FKBP11: variants seen among roughly 807,000 people sequenced by gnomAD.
FKBP11 encodes the protein FKBP prolyl isomerase 11.
A neutral mutation model predicts 24.7 loss-of-function variants in FKBP11; 21 were observed. The ratio of observed to expected loss-of-function variants is 0.85; its 90% CI spans 0.60 to 1.23. FKBP11 has a LOEUF of 1.23. FKBP11 is among the 50% of genes most tolerant of loss of function. The pLI is 0.00. For synonymous variants in FKBP11, 106 were observed against 100.6 expected (o/e 1.05, Z -0.32); for missense variants, 245 against 248.7 (o/e 0.99, Z 0.10).
At chr12:48,932,257 ATATATTTTTTTTTTTTT>A in the FKBP11 span, among the ~76,000 whole-genome samples, 13 of 37,514 alleles carry the variant, frequency 3.5e-4, no homozygotes, top group Non-Finnish European at 5.2e-4. Flanking sequence ...ATATATATAT[ATATATTTTTTTTTTTTT>A]TTTTTTTTTT....
chr12:48,937,043 A>G, the FKBP11 span: 1 of 152,216 alleles, frequency 6.6e-6, no homozygotes, highest in South Asian at 2.1e-4. Context: ...ATACACACAC[A>G]CTCACACACA....
chr12:48,933,970 C>A, the FKBP11 span, among the ~76,000 whole-genome samples: 2 of 152,146 alleles, frequency 1.3e-5, no homozygotes, highest in Non-Finnish European at 2.9e-5. Flanking sequence ...CACTACCCAA[C>A]GTGGTATACT....
rs1939877730 is a variant in FKBP11, at chr12:48,923,291, A to G, written c.388+491T>C. The G allele has an allele frequency of 2.1e-6, 3 of 1,408,096 alleles. No individual in the cohort carries two copies. The South Asian group carries it at 4.8e-5, about 22-fold the overall frequency. The allele number at this position is 1,408,096 out of a possible 1,614,324, so 87.2% of individuals were successfully genotyped here. A position where few individuals can be genotyped will look rare whatever the true frequency, so the allele number is the denominator to read the frequency against. On this transcript the variant is annotated intron_variant, in intron 5 of 5. Coordinates refer to ENST00000550765, the MANE Select transcript of FKBP11 (RefSeq NM_016594.3). ...CAACCCTTCAAAAATAGACATCGGC[A>G]GTGACCAATGATGGCTTTTAAAGTT...
upstream of FKBP11, chr12:48,925,773 G>A (rs1010285373): frequency 1.4e-5 from 4 of 294,240 alleles, no homozygotes; most frequent in African/African-American, 8.5e-5. Context: ...ACCCTGAAAG[G>A]TCGGCATGAT....
At chr12:48,927,495 G>A (rs146364595), upstream of FKBP11, among the ~76,000 whole-genome samples, 2 of 152,232 alleles carry the variant, frequency 1.3e-5, no homozygotes, top group Admixed American at 6.5e-5. Flanking sequence ...CACTGTTTGC[G>A]AATTACGTAT....
At chr12:48,926,795 C>T (rs1565701758), upstream of FKBP11, among the ~76,000 whole-genome samples, 1 of 151,654 alleles carries the variant, frequency 6.6e-6, no homozygotes, top group Non-Finnish European at 1.5e-5. Flanking sequence ...GCCCAGCCCA[C>T]TTTTTAAAAG....
upstream of FKBP11, among the ~76,000 whole-genome samples, chr12:48,927,068 G>A (rs986647530): frequency 2.0e-5 from 3 of 151,746 alleles, no homozygotes; most frequent in African/African-American, 2.4e-5. Flanking sequence ...TCAGCATCCC[G>A]AAGTGCTGGG....
the FKBP11 span, among the ~76,000 whole-genome samples, chr12:48,932,164 T>TAAA: frequency 1.1e-5 from 1 of 94,626 alleles, no homozygotes; most frequent in Non-Finnish European, 2.2e-5. Flanking sequence ...TAAATAAAAG[T>TAAA]AAAAATATAT....
Position 48,924,667 on chromosome 12 carries a change from A to G in FKBP11, c.196-19T>C. On this transcript the variant is annotated intron_variant, in intron 2 of 5. Coordinates refer to ENST00000550765, the MANE Select transcript of FKBP11 (RefSeq NM_016594.3). ...AGCTTCCCTGGGGGGAGAGAGCATC[A>G]AGAGCATACATCTAGCACCCTCTCC... is the stretch of plus-strand genomic sequence containing the variant. The G allele has an allele frequency of 2.5e-6, 4 of 1,610,094 alleles. No homozygotes were observed. Among genetic ancestry groups the G allele is most frequent in the Non-Finnish European group, 3.4e-6 (4 of 1,176,594 alleles).
At chr12:48,927,502 G>A (rs868407385), upstream of FKBP11, among the ~76,000 whole-genome samples, 32 of 152,206 alleles carry the variant, frequency 2.1e-4, no homozygotes, top group African/African-American at 7.0e-4. Flanking sequence ...TGCGAATTAC[G>A]TATCAAGATA....
chr12:48,928,043 C>CTTTTTTTTTT (rs34076093), upstream of FKBP11, among the ~76,000 whole-genome samples: 3 of 88,468 alleles, frequency 3.4e-5, no homozygotes, highest in African/African-American at 4.5e-5. Flanking sequence ...TGCCAGATAC[C>CTTTTTTTTTT]TTTTTTTTTT....
At chr12:48,929,369 G>A (rs753871232), upstream of FKBP11, among the ~76,000 whole-genome samples, 12 of 152,148 alleles carry the variant, frequency 7.9e-5, no homozygotes, top group Admixed American at 2.0e-4. Flanking sequence ...GATCACTTGC[G>A]TCCAGGAGGT....
In FKBP11 at chr12:48,925,313, T is replaced by TG. The variant is rs750683237; in HGVS notation, c.115dup (p.Gln39ProfsTer37). On this transcript the variant is annotated frameshift_variant, in exon 1 of 6. Coordinates refer to ENST00000550765, the MANE Select transcript of FKBP11 (RefSeq NM_016594.3). LOFTEE classifies it high-confidence loss of function. ...CTATCTCCTCACCAGGGTCTCCACT[T>TG]GGAGGGTCCGGACGGGACTTTCGGT... is the stretch of plus-strand genomic sequence containing the variant. 47 of 1,611,982 alleles carry TG rather than the reference T, an allele frequency of 2.9e-5. No homozygotes were observed. The highest frequency in any genetic ancestry group is 5.1e-6 in the Non-Finnish European group (6 of 1,179,538).
At position 48,925,122 on chromosome 12, in the gene FKBP11, A is replaced by C. The variant is rs1221767947; in HGVS notation, c.130-11T>G. 1.2e-6 allele frequency: 2 copies of C among 1,612,584 alleles called. No homozygotes were observed. The highest frequency in any genetic ancestry group is 2.2e-5 in the South Asian group (2 of 90,926). On this transcript the variant is annotated splice_polypyrimidine_tract_variant and intron_variant, in intron 1 of 5. Transcript: ENST00000550765. ...TTCTGGGGGCTCCACCTACGATCGGACTACAGGGGTCACGGATGCTCTTCC... is the reference window on the plus strand; with the variant it reads ...TTCTGGGGGCTCCACCTACGATCGGCCTACAGGGGTCACGGATGCTCTTCC...
rs1767357264 is a variant in FKBP11 at position 48,922,280 on chromosome 12, C to T, written c.389-79G>A. 9.7e-6 allele frequency: 13 copies of T among 1,334,494 alleles called. No homozygotes were observed. In the East Asian group the frequency reaches 1.2e-4, roughly 12 times the overall value. The allele number at this position is 1,334,494 out of a possible 1,614,324, so 82.7% of individuals were successfully genotyped here. On this transcript the variant is annotated intron_variant, in intron 5 of 5. Coordinates refer to ENST00000550765, the MANE Select transcript of FKBP11 (RefSeq NM_016594.3). ...TCAGAATCTGAATGAAAATAGGGAG[C>T]GTAGGCCACAGCAAAGCCAACAACT...
chr12:48,923,561 G>A, intron 5 of FKBP11: 1 of 1,551,688 alleles, frequency 6.4e-7, no homozygotes, highest in Non-Finnish European at 8.7e-7. Flanking sequence ...GTTACTGGCT[G>A]CTGGAGGTCA....
the FKBP11 span, among the ~76,000 whole-genome samples, chr12:48,934,635 C>G: frequency 6.6e-6 from 1 of 152,174 alleles, no homozygotes. Context: ...AAAGACCCCC[C>G]AGTGGCCCAC....
chr12:48,931,599 A>T, the FKBP11 span: 66 of 840,690 alleles, frequency 7.9e-5, no homozygotes, highest in Non-Finnish European at 1.2e-4. Context: ...CCACACTCAA[A>T]GGTGTCTCTG....
At chr12:48,926,800 T>A (rs1939976683), upstream of FKBP11, among the ~76,000 whole-genome samples, 1 of 151,652 alleles carries the variant, frequency 6.6e-6, no homozygotes, top group Admixed American at 6.6e-5. Flanking sequence ...GCCCACTTTT[T>A]AAAAGTTTTT....
Sources: allele counts gnomAD v4.1 joint callset (sites outside exome capture counted in the v4.1 genomes callset), GRCh38; gene constraint gnomAD v4.1.1; transcripts MANE v1.5; gene names NCBI Gene and HGNC (gene_info 2026-07-23, HGNC 2026-07-21).